The following SGCG variants were observed in gnomAD, a reference collection of about 807,000 sequenced individuals.
The protein encoded by SGCG is gamma-sarcoglycan.
SGCG carries 26 observed loss-of-function variants against 29.3 expected under a neutral mutation model. The ratio of observed to expected loss-of-function variants is 0.89; its 90% confidence interval spans 0.65 to 1.23. SGCG has a LOEUF of 1.23. SGCG is among the 50% of genes most tolerant of loss of function. The pLI is 0.00. For synonymous variants in SGCG, 145 were observed against 129.7 expected, an observed-to-expected ratio of 1.12 and a Z score of -0.80; for missense variants, 353 against 356.0, an observed-to-expected ratio of 0.99 and a Z score of 0.07.
chr13:23,179,743 G>C (rs1464869057), upstream of SGCG, among the ~76,000 whole-genome samples: 1 of 152,130 alleles, frequency 6.6e-6, no homozygotes, highest in East Asian at 1.9e-4. Flanking sequence ...GCAGCTGCTG[G>C]TATGATAGAA....
At chr13:23,202,968 T>A (rs944524827) in intron 1 of SGCG, among the ~76,000 whole-genome samples, 2 of 152,184 alleles carry the variant, frequency 1.3e-5, no homozygotes, top group Admixed American at 1.3e-4. Context: ...TTTTTCTTTT[T>A]CTTTTTTTTG....
upstream of SGCG, among the ~76,000 whole-genome samples, chr13:23,177,863 GCCA>G (rs1876610641): frequency 6.6e-6 from 1 of 151,932 alleles, no homozygotes; most frequent in Non-Finnish European, 1.5e-5. Flanking sequence ...ACAGGCATGA[GCCA>G]CCACGCCCGG....
At chr13:23,246,176 C>T (rs7995908) in intron 3 of SGCG, 22,746 of 152,426 alleles carry the variant, frequency 0.15, 1,721 homozygotes, top group East Asian at 0.26. Flanking sequence ...CCAGTGAGTG[C>T]CCAAAACATG....
chr13:23,182,215 T>A (rs1403026779), intron 1 of SGCG, among the ~76,000 whole-genome samples: 1 of 152,180 alleles, frequency 6.6e-6, no homozygotes, highest in East Asian at 1.9e-4. Flanking sequence ...CATTAAAAAT[T>A]AAATGATAGT....
intron 1 of SGCG, among the ~76,000 whole-genome samples, chr13:23,182,431 C>G (rs1876776028): frequency 6.6e-6 from 1 of 152,076 alleles, no homozygotes; most frequent in Non-Finnish European, 1.5e-5. Flanking sequence ...TCAGAACCCA[C>G]CTTGACCTTC....
the SGCG span, among the ~76,000 whole-genome samples, chr13:23,173,385 T>C: frequency 6.6e-6 from 1 of 152,086 alleles, no homozygotes; most frequent in Admixed American, 6.5e-5. Flanking sequence ...GGAAGAAAAA[T>C]TGAAGAGAGT....
At chr13:23,180,424 T>C (rs1195878199), upstream of SGCG, among the ~76,000 whole-genome samples, 1 of 152,220 alleles carries the variant, frequency 6.6e-6, no homozygotes, top group Non-Finnish European at 1.5e-5. Flanking sequence ...TATGGTGATC[T>C]TTGTTTAAGA....
chr13:23,299,444 A>AT (rs1566037511), intron 6 of SGCG, among the ~76,000 whole-genome samples: 11 of 5,632 alleles, frequency 2.0e-3, no homozygotes, highest in East Asian at 0.014. Flanking sequence ...ATATATATAT[A>AT]TATATATATA....
intron 4 of SGCG, among the ~76,000 whole-genome samples, chr13:23,263,518 G>A (rs1157849978): frequency 6.6e-6 from 1 of 151,802 alleles, no homozygotes; most frequent in Non-Finnish European, 1.5e-5. Flanking sequence ...AAAAGCTCAG[G>A]GCTAGACAGA....
rs928533774 is a variant in SGCG, at chr13:23,314,111, A to ATATATATCTATATC, written c.579-6510_579-6497dup. On this transcript the variant is annotated intron_variant, in intron 6 of 7. Coordinates refer to ENST00000218867, the MANE Select transcript of SGCG (RefSeq NM_000231.3). ...GTTAATGCTTAATAAACTCCCCTTT[A>ATATATATCTATATC]TATATATCTATATCTATATATCTAT... 2.0e-5 allele frequency among the ~76,000 whole-genome samples: 3 copies of ATATATATCTATATC among 151,164 alleles called. No homozygotes were observed. The East Asian group carries it at 5.9e-4, about 30-fold the overall frequency.
At chr13:23,224,112 C>T (rs1258847832) in intron 2 of SGCG, among the ~76,000 whole-genome samples, 2 of 152,160 alleles carry the variant, frequency 1.3e-5, no homozygotes, top group Non-Finnish European at 2.9e-5. Context: ...AGTAGGAAGC[C>T]TGCACGATGG....
At chr13:23,194,450 A>G (rs1877404172) in intron 1 of SGCG, among the ~76,000 whole-genome samples, 1 of 152,072 alleles carries the variant, frequency 6.6e-6, no homozygotes, top group Non-Finnish European at 1.5e-5. Flanking sequence ...TAGGATCTCA[A>G]ATGATGTTGT....
At chr13:23,301,338 A>G (rs1476628236) in intron 6 of SGCG, among the ~76,000 whole-genome samples, 1 of 152,224 alleles carries the variant, frequency 6.6e-6, no homozygotes, top group Admixed American at 6.6e-5. Flanking sequence ...TTGGGAAATA[A>G]CAAAATAGAA....
chr13:23,298,434 T>C (rs1881994227), intron 6 of SGCG, among the ~76,000 whole-genome samples: 1 of 150,930 alleles, frequency 6.6e-6, no homozygotes, highest in African/African-American at 2.5e-5. Flanking sequence ...AAAAGCAGCA[T>C]TTTTTATATA....
intron 2 of SGCG, among the ~76,000 whole-genome samples, chr13:23,204,949 TA>T (rs1365289618): frequency 1.3e-5 from 2 of 152,042 alleles, no homozygotes; most frequent in East Asian, 3.8e-4. Flanking sequence ...CATAAATAAA[TA>T]TTTATGTTTT....
At chr13:23,249,856 T>C (rs1367474224) in intron 3 of SGCG, among the ~76,000 whole-genome samples, 1 of 152,176 alleles carries the variant, frequency 6.6e-6, no homozygotes, top group Non-Finnish European at 1.5e-5. Context: ...AATATGGTAA[T>C]AGTTTACCTG....
intron 5 of SGCG, among the ~76,000 whole-genome samples, chr13:23,285,519 A>G (rs1881463661): frequency 6.6e-6 from 1 of 152,188 alleles, no homozygotes; most frequent in East Asian, 1.9e-4. Context: ...AAGAATTTCA[A>G]GCCAATGGAT....
intron 4 of SGCG, among the ~76,000 whole-genome samples, chr13:23,257,198 T>C (rs535155207): frequency 2.0e-5 from 3 of 152,230 alleles, no homozygotes; most frequent in Non-Finnish European, 4.4e-5. Flanking sequence ...TGTTTGTTCA[T>C]ATCCTTTGCC....
rs188830704 is a variant in SGCG at position 23,228,840 on chromosome 13, T to C, written c.196-5771T>C. ...GCTGCATAGTATTCCATAGTGTATA[T>C]GTACCACATTTTCCTTATCCAGTCT... On this transcript the variant is annotated intron_variant, in intron 2 of 7. Transcript: ENST00000218867. Among the ~76,000 whole-genome samples the C allele has an allele frequency of 4.7e-3, 711 of 152,274 alleles. 5 individuals carry two copies. Among genetic ancestry groups the C allele is most frequent in the African/African-American group, 0.015 (630 of 41,550 alleles).
Sources: gnomAD v4.1 joint callset for allele counts (sites outside exome capture counted in the v4.1 genomes callset) on GRCh38, gnomAD v4.1.1 for gene constraint, MANE v1.5 for transcripts, NCBI Gene and HGNC (gene_info 2026-07-23, HGNC 2026-07-21) for gene names.